Variants in TMEM135 observed in about 807,000 individuals in gnomAD.
TMEM135 encodes transmembrane protein 135, also known as peroxisomal membrane protein 52.
TMEM135 carries 30 observed loss-of-function variants against 60.3 expected under a neutral mutation model. The observed-to-expected ratio is 0.50, with a 90% CI of 0.37 to 0.68. TMEM135 has a LOEUF of 0.68. TMEM135 is among the 30% of genes least tolerant of loss of function. The probability of loss-of-function intolerance (pLI) is 0.00; values close to 1 mark genes in which losing one functional copy is unlikely to be tolerated. For synonymous variants in TMEM135, 190 were observed against 186.7 expected (o/e 1.02, Z -0.14); for missense variants, 468 against 548.8 (o/e 0.85, Z 1.47).
chr11:87,077,329 C>T (rs1478847676), intron 3 of TMEM135, among the ~76,000 whole-genome samples: 2 of 152,180 alleles, frequency 1.3e-5, no homozygotes, highest in African/African-American at 4.8e-5. Context: ...TAAGCTTATT[C>T]CTTTTTTATT....
chr11:87,241,678 G>C (rs941250412), intron 6 of TMEM135, among the ~76,000 whole-genome samples: 1 of 151,802 alleles, frequency 6.6e-6, no homozygotes. Context: ...ATTTTTTCCA[G>C]CCTCTGGTAA....
At chr11:87,289,583 A>C (rs934341679) in intron 6 of TMEM135, among the ~76,000 whole-genome samples, 1 of 151,522 alleles carries the variant, frequency 6.6e-6, no homozygotes, top group Non-Finnish European at 1.5e-5. Context: ...CAGCCTCCCG[A>C]GTAGCTGGAA....
chr11:87,132,314 C>G (rs1001114887), intron 4 of TMEM135, among the ~76,000 whole-genome samples: 1 of 152,038 alleles, frequency 6.6e-6, no homozygotes, highest in African/African-American at 2.4e-5. Flanking sequence ...GTACCTAAGG[C>G]AGTGATTGGC....
intron 5 of TMEM135, among the ~76,000 whole-genome samples, chr11:87,206,695 C>T (rs1433578873): frequency 6.6e-6 from 1 of 152,126 alleles, no homozygotes; most frequent in African/African-American, 2.4e-5. Context: ...GTTTAGTCTA[C>T]ACAAGTTTAA....
chr11:87,055,077 T>C (rs1380303342), intron 1 of TMEM135, among the ~76,000 whole-genome samples: 1 of 152,270 alleles, frequency 6.6e-6, no homozygotes, highest in East Asian at 1.9e-4. Context: ...AAATTATCTG[T>C]GGTAAGTGCT....
chr11:87,171,551 A>G (rs561901030), intron 5 of TMEM135, among the ~76,000 whole-genome samples: 42 of 152,260 alleles, frequency 2.8e-4, no homozygotes, highest in African/African-American at 9.6e-4. Context: ...ATAATGAAAA[A>G]ATACTCGTCT....
chr11:87,197,644 G>A (rs1939991419), intron 5 of TMEM135, among the ~76,000 whole-genome samples: 1 of 144,294 alleles, frequency 6.9e-6, no homozygotes, highest in Admixed American at 7.3e-5. Flanking sequence ...GTGGTTTTAT[G>A]TGTAGCTTAG....
At chr11:87,219,513 A>T (rs1591112817) in intron 5 of TMEM135, among the ~76,000 whole-genome samples, 1 of 152,238 alleles carries the variant, frequency 6.6e-6, no homozygotes, top group African/African-American at 2.4e-5. Flanking sequence ...TGAGAGCGAA[A>T]GAGCGAGCAA....
At chr11:87,259,492 T>C (rs7118014) in intron 6 of TMEM135, among the ~76,000 whole-genome samples, 53,758 of 152,060 alleles carry the variant, frequency 0.35, 10,062 homozygotes, top group Non-Finnish European at 0.42. Flanking sequence ...TTCAGACATT[T>C]TTAAGAATTA....
chr11:87,150,215 C>CAAAAAAAA (rs200067307), intron 4 of TMEM135, among the ~76,000 whole-genome samples: 7 of 109,858 alleles, frequency 6.4e-5, no homozygotes, highest in Non-Finnish European at 1.2e-4. Context: ...AACTCTGTCT[C>CAAAAAAAA]AAAAAAAAAA....
intron 4 of TMEM135, among the ~76,000 whole-genome samples, chr11:87,152,322 C>T (rs1012861847): frequency 3.3e-5 from 5 of 151,974 alleles, no homozygotes; most frequent in Non-Finnish European, 7.4e-5. Context: ...GAGGGAGTAA[C>T]GTTAAGTCTA....
intron 1 of TMEM135, among the ~76,000 whole-genome samples, chr11:87,060,240 G>A (rs891755719): frequency 2.0e-5 from 3 of 152,208 alleles, no homozygotes; most frequent in African/African-American, 7.2e-5. Context: ...CTAATTTAGT[G>A]TTGTGAATGT....
At chr11:87,139,681 T>C (rs1265999868) in intron 4 of TMEM135, among the ~76,000 whole-genome samples, 1 of 152,196 alleles carries the variant, frequency 6.6e-6, no homozygotes, top group Non-Finnish European at 1.5e-5. Context: ...TATATGAGAG[T>C]TCCAGTATCT....
At position 87,238,155 on chromosome 11, in the gene TMEM135, A is replaced by G. The variant is rs1038518240; in HGVS notation, c.509+1471A>G. On this transcript the variant is annotated intron_variant, in intron 6 of 14. Coordinates refer to ENST00000305494, the MANE Select transcript of TMEM135 (RefSeq NM_022918.4). Reference sequence around the variant, plus strand: ...GTACAGATATCTCTTCGATATATTGATTTGCTTTATTTTGAGTATATACCC... The same window carrying G: ...GTACAGATATCTCTTCGATATATTGGTTTGCTTTATTTTGAGTATATACCC... 7.2e-5 allele frequency among the ~76,000 whole-genome samples: 11 copies of G among 151,832 alleles called. 1 individual carries two copies.
chr11:87,234,837 G>A (rs896792576), intron 5 of TMEM135, among the ~76,000 whole-genome samples: 1 of 151,962 alleles, frequency 6.6e-6, no homozygotes, highest in Non-Finnish European at 1.5e-5. Flanking sequence ...TATCAGTTTA[G>A]TACGAACACA....
intron 1 of TMEM135, among the ~76,000 whole-genome samples, chr11:87,056,188 A>G (rs555125836): frequency 7.9e-5 from 12 of 152,338 alleles, no homozygotes; most frequent in South Asian, 6.2e-4. Flanking sequence ...TCTGGCCACT[A>G]CCAAGTCTGG....
rs145088254 is a variant in TMEM135, at chr11:87,056,372, A to G, written c.142-11322A>G. On this transcript the variant is annotated intron_variant, in intron 1 of 14. Transcript: ENST00000305494. ...CCTCTAACACCTCTGCCTCCCAAAG[A>G]GCTGGGATTACAGGTGTGAGCCACG... Among the ~76,000 whole-genome samples the G allele has an allele frequency of 1.3e-4, 20 of 152,242 alleles. No homozygotes were observed. In the East Asian group the frequency reaches 3.7e-3, roughly 28 times the overall value.
At position 87,190,849 on chromosome 11, in the gene TMEM135, C is replaced by G. The variant is rs1451994927; in HGVS notation, c.462+33443C>G. Among the ~76,000 whole-genome samples, 4 of 152,260 alleles carry G rather than the reference C, an allele frequency of 2.6e-5. No homozygotes were observed. The East Asian group carries it at 5.8e-4, about 22-fold the overall frequency. On this transcript the variant is annotated intron_variant, in intron 5 of 14. Transcript: ENST00000305494. ...TTCATGTATACTTAAATTGTATATT[C>G]ACAGACAATATACTATTTTAAAATT...
intron 6 of TMEM135, among the ~76,000 whole-genome samples, chr11:87,294,336 T>A (rs1030366436): frequency 6.6e-5 from 10 of 152,236 alleles, no homozygotes; most frequent in African/African-American, 2.4e-4. Context: ...CTTTGTGGCC[T>A]TTCCTACAGA....
Sources: allele counts gnomAD v4.1 joint callset (sites outside exome capture counted in the v4.1 genomes callset), GRCh38; gene constraint gnomAD v4.1.1; transcripts MANE v1.5; gene names NCBI Gene and HGNC (gene_info 2026-07-23, HGNC 2026-07-21).